Variants in CLPTM1L observed in about 807,000 individuals in gnomAD.
CLPTM1L encodes the protein CLPTM1 like.
In CLPTM1L, 38 loss-of-function variants were observed where a neutral mutation model predicts 70.9. The ratio of observed to expected loss-of-function variants is 0.54; its 90% CI spans 0.41 to 0.70. The LOEUF is 0.70. Ranked by LOEUF, CLPTM1L falls within the 30% of genes least tolerant of loss-of-function variation. CLPTM1L has a pLI of 0.00. For missense variants in CLPTM1L, 652 were observed against 705.9 expected (o/e 0.92, Z 0.87); for synonymous variants, 339 against 299.9 (o/e 1.13, Z -1.35).
chr5:1,332,236 C>T (rs1258600928), intron 7 of CLPTM1L: 2 of 258,162 alleles, frequency 7.7e-6, no homozygotes. Flanking sequence ...CCTCATCTCT[C>T]AACTGTGCTA....
rs577058214 is a variant in CLPTM1L at position 1,329,127 on chromosome 5, C to T, written c.1080+1153G>A. Among the ~76,000 whole-genome samples, 3 of 152,388 alleles carry T rather than the reference C, an allele frequency of 2.0e-5. 1 individual carries two copies. In the South Asian group the frequency reaches 6.2e-4, roughly 32 times the overall value. ...GCACAGAGCTCAGTGAGGAGCTAGGCTTAAGCCTGGGCCCTCTCACCCTGA... is the reference window on the plus strand; with the variant it reads ...GCACAGAGCTCAGTGAGGAGCTAGGTTTAAGCCTGGGCCCTCTCACCCTGA... On this transcript the variant is annotated intron_variant, in intron 9 of 16. Coordinates refer to ENST00000320895, the MANE Select transcript of CLPTM1L (RefSeq NM_030782.5).
intron 9 of CLPTM1L, 59 bp from the exon 10 acceptor site, chr5:1,325,875 G>T: frequency 6.9e-7 from 1 of 1,445,886 alleles, no homozygotes; most frequent in Non-Finnish European, 9.7e-7. Flanking sequence ...AGCCACGAAT[G>T]AACGACCCAG....
At position 1,329,444 on chromosome 5, in the gene CLPTM1L, G is replaced by A. The variant is rs1213695784; in HGVS notation, c.1080+836C>T. ...CCTCTGCTTGGTGGACAGGGCCTCA[G>A]GACTCACCACTGCTTGGTGGACAGG... is the stretch of plus-strand genomic sequence containing the variant. On this transcript the variant is annotated intron_variant, in intron 9 of 16. Coordinates refer to ENST00000320895, the MANE Select transcript of CLPTM1L (RefSeq NM_030782.5). 6.6e-5 allele frequency among the ~76,000 whole-genome samples: 10 copies of A among 151,642 alleles called. No homozygotes were observed. The East Asian group carries it at 1.9e-3, about 29-fold the overall frequency.
intron 1 of CLPTM1L, 31 bp from the exon 2 acceptor site, chr5:1,344,482 C>T (rs1274211576): frequency 8.2e-6 from 13 of 1,585,710 alleles, no homozygotes; most frequent in Admixed American, 3.3e-5. Context: ...AGAGTCAGCT[C>T]GGCCAGGCCC....
intron 11 of CLPTM1L, among the ~76,000 whole-genome samples, chr5:1,324,432 G>A (rs1425186519): frequency 1.3e-5 from 2 of 152,248 alleles, no homozygotes; most frequent in African/African-American, 2.4e-5. Flanking sequence ...TGGCCTTGGT[G>A]ACGGCAAGTG....
chr5:1,321,809 G>A lies in CLPTM1L; in HGVS notation c.1326C>T (p.Ala442=). 1 of 1,613,952 alleles carries A rather than the reference G, an allele frequency of 6.2e-7. No individual in the cohort carries two copies. The highest frequency in any genetic ancestry group is 8.5e-7 in the Non-Finnish European group (1 of 1,179,922). Residue 442 remains alanine (A), a synonymous_variant, in exon 14 of 17, where the codon GCC becomes GCT. Transcript: ENST00000320895. The part of the protein sequence containing the change: ...LINSFVNGVY[A]FGFLFMLPQL... ...GGGGCAGCATGAAGAGGAAACCAAA[G>A]GCATAGACCCCTGCAGAAAGACAGA...
At position 1,321,794 on chromosome 5, in the gene CLPTM1L, G is replaced by A. The variant is rs1408424652; in HGVS notation, c.1341C>T (p.Phe447=). The A allele has an allele frequency of 1.2e-6, 2 of 1,613,972 alleles. No homozygotes were observed. The highest frequency in any genetic ancestry group is 1.7e-6 in the Non-Finnish European group (2 of 1,179,996). The change falls in exon 14 of 17, where the codon TTC becomes TTT. Residue 447 remains phenylalanine (F), a synonymous_variant. Coordinates refer to ENST00000320895, the MANE Select transcript of CLPTM1L (RefSeq NM_030782.5). ...VNGVYAFGFL[F]MLPQLFVNYK... is the part of the protein sequence containing the mutation. ...AGTTCACAAAGAGCTGGGGCAGCAT[G>A]AAGAGGAAACCAAAGGCATAGACCC...
rs1252792444 is a variant in CLPTM1L, at chr5:1,345,004, C to A, written c.-163G>T. On this transcript the variant is annotated 5_prime_UTR_variant, in exon 1 of 17. Coordinates refer to ENST00000320895, the MANE Select transcript of CLPTM1L (RefSeq NM_030782.5). ...CGAATGCGCCGCGCGCCGCAGACCG[C>A]CGGCCGCCCCGCATGCTCCGGCCCC... 8.5e-6 allele frequency: 2 copies of A among 234,380 alleles called. No homozygotes were observed. The highest frequency in any genetic ancestry group is 1.4e-5 in the Non-Finnish European group (2 of 144,738). 14.5% of individuals were successfully genotyped at this position (234,380 alleles called of 1,614,324 possible). A position where few individuals can be genotyped will look rare whatever the true frequency, so the allele number is the denominator to read the frequency against.
In CLPTM1L at chr5:1,345,057, CGGCCCCGCGCGCCGCTTCCG is replaced by C; in HGVS notation, c.-236_-217del. On this transcript the variant is annotated 5_prime_UTR_variant, in exon 1 of 17. Coordinates refer to ENST00000320895, the MANE Select transcript of CLPTM1L (RefSeq NM_030782.5). ...TCCCACCTGGCGCCGCGGGATTCGC[CGGCCCCGCGCGCCGCTTCCG>C]GGCCCCGCCGCCTGCCGGAAGTGGA... 1 of 160,572 alleles carries C rather than the reference CGGCCCCGCGCGCCGCTTCCG, an allele frequency of 6.2e-6. No homozygotes were observed. Among genetic ancestry groups the C allele is most frequent in the East Asian group, 1.9e-4 (1 of 5,174 alleles). 9.9% of individuals were successfully genotyped at this position (160,572 alleles called of 1,614,324 possible).
In CLPTM1L at chr5:1,342,669, C is replaced by T. The variant is rs1754023762; in HGVS notation, c.264-809G>A. ...GGGGTGCAATCACAGCTCACTGCAT[C>T]CTCAACCTCCTGAGCTCAAGTGACC... On this transcript the variant is annotated intron_variant, in intron 2 of 16. Transcript: ENST00000320895. The surrounding 1 kb of genome is among the most constrained non-coding windows in gnomAD (Gnocchi z 4.3). 6.6e-6 allele frequency among the ~76,000 whole-genome samples: 1 copy of T among 152,254 alleles called. No individual in the cohort carries two copies. The highest frequency in any genetic ancestry group is 1.5e-5 in the Non-Finnish European group (1 of 68,034).
intron 9 of CLPTM1L, among the ~76,000 whole-genome samples, chr5:1,327,895 T>C (rs1226205143): frequency 2.8e-5 from 3 of 107,788 alleles, no homozygotes; most frequent in Admixed American, 9.0e-5. Flanking sequence ...TACAGGGACA[T>C]TCCATCCAGC....
Position 1,325,435 on chromosome 5 carries a change from C to T in CLPTM1L, c.1146+316G>A, listed in dbSNP as rs182709391. 2.3e-3 allele frequency: 991 copies of T among 422,582 alleles called. 1 individual carries two copies. The highest frequency in any genetic ancestry group is 3.5e-3 in the Non-Finnish European group (828 of 233,706). 26.2% of individuals were successfully genotyped at this position (422,582 alleles called of 1,614,324 possible). On this transcript the variant is annotated intron_variant, in intron 10 of 16. Coordinates refer to ENST00000320895, the MANE Select transcript of CLPTM1L (RefSeq NM_030782.5). ...TACGGACCCCAGTCAGCACCAGCCT[C>T]GGGAGCGCCTCTGGACAAGGTGCCA... is the stretch of plus-strand genomic sequence containing the variant.
chr5:1,332,292 T>C (rs1421520651), intron 7 of CLPTM1L: 1 of 183,456 alleles, frequency 5.5e-6, no homozygotes, highest in East Asian at 1.4e-4. Flanking sequence ...TGATCCCAGC[T>C]ACTGCAAGGC....
At chr5:1,335,312 C>T (rs1419483251) in intron 5 of CLPTM1L, 138 bp from the exon 6 acceptor site, 2 of 706,956 alleles carry the variant, frequency 2.8e-6, no homozygotes, top group Non-Finnish European at 5.0e-6. Flanking sequence ...CAGCAAGCAT[C>T]CCCCGGTCCC....
chr5:1,331,329 C>G (rs982753902), intron 8 of CLPTM1L: 4 of 170,676 alleles, frequency 2.3e-5, no homozygotes, highest in African/African-American at 9.5e-5. Flanking sequence ...CTGCTGGGCA[C>G]AGCACCACGG....
intron 5 of CLPTM1L, among the ~76,000 whole-genome samples, chr5:1,335,648 G>C (rs1404304477): frequency 5.3e-5 from 8 of 152,230 alleles, no homozygotes; most frequent in Non-Finnish European, 2.9e-5. Flanking sequence ...CACAGAGCAG[G>C]GGGTGGCCGT....
At chr5:1,338,807 G>C in intron 4 of CLPTM1L, 53 bp downstream of exon 4, 1 of 1,605,620 alleles carries the variant, frequency 6.2e-7, no homozygotes, top group East Asian at 2.2e-5. Context: ...GTTCTGGCCA[G>C]CCAGGGTCCC....
chr5:1,325,063 T>C, intron 10 of CLPTM1L: 1 of 576,702 alleles, frequency 1.7e-6, no homozygotes, highest in South Asian at 2.2e-5. Flanking sequence ...TGTTCCTTGC[T>C]CAGGTGGCTC....
Position 1,330,317 on chromosome 5 carries a change from A to G in CLPTM1L, c.1043T>C (p.Leu348Pro), listed in dbSNP as rs1465977221. The G allele has an allele frequency of 6.2e-7, 1 of 1,612,728 alleles. No homozygotes were observed. The highest frequency in any genetic ancestry group is 8.5e-7 in the Non-Finnish European group (1 of 1,180,002). ...TCCAACACCCGCCGGGACCAGCACC[A>G]GCAGGCTCGTCTGCTCGTCCAGCAG... ...LFLLDEQTSLLVLVPAGVGAA... is the reference protein window; with the variant it reads ...LFLLDEQTSLPVLVPAGVGAA... Residue 348 changes from leucine to proline, a missense_variant, in exon 9 of 17, where the codon CTG becomes CCG. Physicochemically the swap from Leu to Pro is moderately conservative, Grantham distance 98. This residue lies in a region of CLPTM1L where 240 missense variants were observed against 295.0 expected (regional missense o/e 0.81). Transcript: ENST00000320895.
Sources: allele counts gnomAD v4.1 joint callset (sites outside exome capture counted in the v4.1 genomes callset), GRCh38; gene constraint gnomAD v4.1.1; regional missense constraint gnomAD v4.1.1; non-coding constraint Gnocchi (gnomAD v3.1); transcripts MANE v1.5; gene names NCBI Gene and HGNC (gene_info 2026-07-23, HGNC 2026-07-21).